CCDC174: variants seen among roughly 807,000 people sequenced by gnomAD.
The protein encoded by CCDC174 is coiled-coil domain containing 174, also known as coiled-coil domain-containing protein 174.
A neutral mutation model predicts 57.1 loss-of-function variants in CCDC174; 37 were observed. The ratio of observed to expected loss-of-function variants is 0.65; its 90% confidence interval spans 0.50 to 0.85. CCDC174 has a LOEUF of 0.85. Among genes scored for constraint, CCDC174 ranks in the 40% least tolerant of loss-of-function variants. The probability of loss-of-function intolerance (pLI) is 0.00; values close to 1 mark genes in which losing one functional copy is unlikely to be tolerated. For synonymous variants in CCDC174, 182 were observed against 190.2 expected, an observed-to-expected ratio of 0.96 and a Z score of 0.35; for missense variants, 540 against 574.3, an observed-to-expected ratio of 0.94 and a Z score of 0.61.
chr3:14,663,289 G>T (rs995534440), intron 5 of CCDC174, among the ~76,000 whole-genome samples: 6 of 152,182 alleles, frequency 3.9e-5, no homozygotes, highest in African/African-American at 1.4e-4. Context: ...TTACAGGCGT[G>T]AGCCACCACG....
intron 6 of CCDC174, 93 bp downstream of exon 6, chr3:14,665,216 C>T: frequency 2.3e-6 from 2 of 868,274 alleles, no homozygotes; most frequent in South Asian, 2.7e-5. Flanking sequence ...AATTAATGAT[C>T]TCTGTTGCTC....
chr3:14,655,588 T>C lies in CCDC174; in HGVS notation c.207T>C (p.Ala69=). The C allele has an allele frequency of 6.2e-7, 1 of 1,610,168 alleles. No homozygotes were observed. The highest frequency in any genetic ancestry group is 8.5e-7 in the Non-Finnish European group (1 of 1,177,824). ...VGVSNRAEKD[A]EQKIEEQKTL... ...TTTCAAATCGAGCTGAGAAGGATGC[T>C]GAACAGAAGATTGAAGAACAGAAGA... Residue 69 remains alanine (A), a synonymous_variant, in exon 3 of 11, where the codon GCT becomes GCC. Transcript: ENST00000383794.
chr3:14,669,043 C>T (rs961789214), intron 9 of CCDC174, among the ~76,000 whole-genome samples: 11 of 152,196 alleles, frequency 7.2e-5, no homozygotes, highest in African/African-American at 2.4e-4. Flanking sequence ...AAGTTACATA[C>T]AGCCTATGCA....
chr3:14,669,797 A>G, intron 9 of CCDC174, 137 bp from the exon 10 acceptor site: 1 of 747,246 alleles, frequency 1.3e-6, no homozygotes, highest in Non-Finnish European at 2.2e-6. Flanking sequence ...CAAAAGACTT[A>G]ATCCACTGCC....
At chr3:14,655,902 C>T (rs539074250) in intron 3 of CCDC174, among the ~76,000 whole-genome samples, 82 of 152,286 alleles carry the variant, frequency 5.4e-4, no homozygotes, top group African/African-American at 1.8e-3. Context: ...GAGGTTTTCC[C>T]ATGGTGTGGG....
intron 1 of CCDC174, 28 bp from the exon 2 acceptor site, chr3:14,654,398 T>G: frequency 8.3e-7 from 1 of 1,207,102 alleles, no homozygotes; most frequent in South Asian, 1.3e-5. Flanking sequence ...AATTTAATAT[T>G]TTTGTTTACT....
At chr3:14,657,613 C>T (rs2030999108) in intron 3 of CCDC174, among the ~76,000 whole-genome samples, 3 of 152,164 alleles carry the variant, frequency 2.0e-5, no homozygotes, top group Admixed American at 2.0e-4. Context: ...TACACTGCAC[C>T]AAGTTTCATA....
Position 14,671,085 on chromosome 3 carries a change from G to C in CCDC174, c.1295G>C (p.Ser432Thr). Reference sequence around the variant, plus strand: ...TGCCCTGACCAGAGCCACGGACCTAGCCCTGAACATACGTCACCCACTCCT... The same window carrying C: ...TGCCCTGACCAGAGCCACGGACCTACCCCTGAACATACGTCACCCACTCCT... ...GQCPDQSHGP[S>T]PEHTSPTPAP... Residue 432 changes from serine (S) to threonine (T), a missense_variant, in exon 11 of 11, where the codon AGC becomes ACC. Coordinates refer to ENST00000383794, the MANE Select transcript of CCDC174 (RefSeq NM_016474.5). 1 of 1,614,154 alleles carries C rather than the reference G, an allele frequency of 6.2e-7. No individual in the cohort carries two copies. The highest frequency in any genetic ancestry group is 8.5e-7 in the Non-Finnish European group (1 of 1,180,030).
At chr3:14,655,038 T>TG (rs1640746367) in intron 2 of CCDC174, among the ~76,000 whole-genome samples, 3 of 152,232 alleles carry the variant, frequency 2.0e-5, no homozygotes, top group Admixed American at 6.5e-5. Flanking sequence ...CTCTTTAGGC[T>TG]GGGCGTGGTT....
At chr3:14,659,744 A>G (rs185579338) in intron 4 of CCDC174, among the ~76,000 whole-genome samples, 294 of 152,324 alleles carry the variant, frequency 1.9e-3, no homozygotes, top group Non-Finnish European at 3.7e-3. Context: ...CCCCCAGAAA[A>G]AACCCAATCC....
Position 14,671,338 on chromosome 3 carries a change from G to A in CCDC174, c.*144G>A. 1.2e-6 allele frequency: 1 copy of A among 847,366 alleles called. No homozygotes were observed. Among genetic ancestry groups the A allele is most frequent in the Non-Finnish European group, 1.8e-6 (1 of 560,212 alleles). 52.5% of individuals were successfully genotyped at this position (847,366 alleles called of 1,614,324 possible). A position where few individuals can be genotyped will look rare whatever the true frequency, so the allele number is the denominator to read the frequency against. ...ACTTCGGGTTGGATTTGTCAGCAAG[G>A]AGGAAAGTTATGGAAACTTTGGCCA... On this transcript the variant is annotated 3_prime_UTR_variant, in exon 11 of 11. Coordinates refer to ENST00000383794, the MANE Select transcript of CCDC174 (RefSeq NM_016474.5).
At chr3:14,653,083 C>T (rs925844164) in intron 1 of CCDC174, among the ~76,000 whole-genome samples, 3 of 152,040 alleles carry the variant, frequency 2.0e-5, no homozygotes, top group African/African-American at 7.2e-5. Context: ...ATAGGTGTCC[C>T]AATATTTGAG....
At chr3:14,654,826 G>A (rs1405217573) in intron 2 of CCDC174, among the ~76,000 whole-genome samples, 1 of 152,192 alleles carries the variant, frequency 6.6e-6, no homozygotes, top group Non-Finnish European at 1.5e-5. Context: ...TCCAAATAGA[G>A]ATAAACAATT....
intron 3 of CCDC174, 83 bp downstream of exon 3, chr3:14,655,712 G>A: frequency 1.2e-6 from 1 of 813,040 alleles, no homozygotes; most frequent in Non-Finnish European, 1.9e-6. Context: ...TGTCCTTTTT[G>A]ATTTACAAAT....
At position 14,668,196 on chromosome 3, in the gene CCDC174, T is replaced by C. The variant is rs563796117; in HGVS notation, c.952+15T>C. ...AGAAAATAGAGGTATATCATGGCTATGTTGCTGAACTTCAAAAGGGAAAAT... is the reference window on the plus strand; with the variant it reads ...AGAAAATAGAGGTATATCATGGCTACGTTGCTGAACTTCAAAAGGGAAAAT... On this transcript the variant is annotated intron_variant, in intron 9 of 10. Coordinates refer to ENST00000383794, the MANE Select transcript of CCDC174 (RefSeq NM_016474.5). The C allele has an allele frequency of 1.3e-4, 211 of 1,584,464 alleles. No homozygotes were observed. The South Asian group carries it at 2.2e-3, about 16-fold the overall frequency.
At chr3:14,656,636 G>A (rs999667701) in intron 3 of CCDC174, among the ~76,000 whole-genome samples, 2 of 152,184 alleles carry the variant, frequency 1.3e-5, no homozygotes, top group African/African-American at 4.8e-5. Context: ...GTAATTAATA[G>A]TAATCTGAAG....
chr3:14,670,793 G>A, intron 10 of CCDC174, 103 bp from the exon 11 acceptor site: 1 of 980,882 alleles, frequency 1.0e-6, no homozygotes, highest in Non-Finnish European at 1.5e-6. Flanking sequence ...TGGATAATTT[G>A]TGGTGGCTTT....
At chr3:14,668,202 T>C in intron 9 of CCDC174, 21 bp downstream of exon 9, 1 of 1,575,182 alleles carries the variant, frequency 6.3e-7, no homozygotes, top group South Asian at 1.2e-5. Context: ...GCTATGTTGC[T>C]GAACTTCAAA....
In CCDC174 at chr3:14,667,467, C is replaced by T; in HGVS notation, c.768C>T (p.Asp256=). ...LGVGYFAFAR[D]KELRNKQMKT... ...TTGGGTATTTTGCCTTTGCCCGAGACAAAGAGTTGAGAAACAAGCAGATGA... is the reference window on the plus strand; with the variant it reads ...TTGGGTATTTTGCCTTTGCCCGAGATAAAGAGTTGAGAAACAAGCAGATGA... Residue 256 remains aspartate, a synonymous_variant, in exon 8 of 11, where the codon GAC becomes GAT. Coordinates refer to ENST00000383794, the MANE Select transcript of CCDC174 (RefSeq NM_016474.5). 2 of 1,613,706 alleles carry T rather than the reference C, an allele frequency of 1.2e-6. No homozygotes were observed. The highest frequency in any genetic ancestry group is 1.7e-6 in the Non-Finnish European group (2 of 1,179,942).
Sources: allele counts gnomAD v4.1 joint callset (sites outside exome capture counted in the v4.1 genomes callset), GRCh38; gene constraint gnomAD v4.1.1; transcripts MANE v1.5; gene names NCBI Gene and HGNC (gene_info 2026-07-23, HGNC 2026-07-21).